Variants in NDRG2 observed in about 807,000 individuals in gnomAD.
The protein encoded by NDRG2 is NDRG family member 2.
A neutral mutation model predicts 58.2 loss-of-function variants in NDRG2; 34 were observed. The observed-to-expected ratio is 0.58, with a 90% CI of 0.44 to 0.78. NDRG2 has a LOEUF of 0.78. Ranked by LOEUF, NDRG2 falls within the 30% of genes least tolerant of loss-of-function variation. NDRG2 has a pLI of 0.00. For synonymous variants in NDRG2, 187 were observed against 175.9 expected, an observed-to-expected ratio of 1.06 and a Z score of -0.50; for missense variants, 434 against 471.2, an observed-to-expected ratio of 0.92 and a Z score of 0.73.
upstream of NDRG2, chr14:21,030,424 AG>A: frequency 1.4e-6 from 1 of 719,176 alleles, no homozygotes. Flanking sequence ...GGGAGCTGGG[AG>A]GGAGAAAGGA....
chr14:21,031,822 G>A, intron 1 of NDRG2: 10 of 1,521,104 alleles, frequency 6.6e-6, no homozygotes, highest in Non-Finnish European at 8.9e-6. Context: ...AGTATCTCGG[G>A]CCATCTTTGG....
rs536881792 is a variant in NDRG2 at position 21,061,304 on chromosome 14, G to T, written c.24+9524C>A. Reference sequence around the variant, plus strand: ...GAGTTGTGGCCCCGGAAGCTGGGAAGAGTGTGAAAAGCATTCAGAGTAGAA... The same window carrying T: ...GAGTTGTGGCCCCGGAAGCTGGGAATAGTGTGAAAAGCATTCAGAGTAGAA... On this transcript the variant is annotated intron_variant, in intron 1 of 14. Coordinates refer to the NDRG2 transcript ENST00000403829. 3.3e-5 allele frequency among the ~76,000 whole-genome samples: 5 copies of T among 152,350 alleles called. No homozygotes were observed. In the South Asian group the frequency reaches 1.0e-3, roughly 32 times the overall value.
chr14:21,022,028 C>T, intron 5 of NDRG2, 34 bp downstream of exon 5: 1 of 1,614,116 alleles, frequency 6.2e-7, no homozygotes, highest in Non-Finnish European at 8.5e-7. Context: ...CTGTTCCTCA[C>T]AGTCTGGTGA....
intron 1 of NDRG2, among the ~76,000 whole-genome samples, chr14:21,051,771 C>G (rs2139137000): frequency 6.6e-6 from 1 of 152,348 alleles, no homozygotes; most frequent in African/African-American, 2.4e-5. Flanking sequence ...GCCCAGACCA[C>G]AGGTCTGTCA....
intron 1 of NDRG2, chr14:21,023,778 C>T (rs1311236758): frequency 5.9e-6 from 1 of 170,802 alleles, no homozygotes; most frequent in Non-Finnish European, 1.2e-5. Flanking sequence ...CCATGACCTT[C>T]AATTAAAGCC....
upstream of NDRG2, among the ~76,000 whole-genome samples, chr14:21,028,702 A>G (rs1205836906): frequency 6.6e-6 from 1 of 152,148 alleles, no homozygotes; most frequent in East Asian, 1.9e-4. Context: ...TCTGATGGGG[A>G]GGAGGTAATA....
upstream of NDRG2, chr14:21,025,625 G>A: frequency 5.1e-6 from 5 of 985,500 alleles, no homozygotes; most frequent in Non-Finnish European, 6.0e-6. This position sits in a 1 kb window ranked among gnomAD's most constrained non-coding sequence, Gnocchi z 5.1. Flanking sequence ...GGGCACGGGG[G>A]AACGTCGAGG....
At chr14:21,031,518 C>T (rs1047186178) in intron 1 of NDRG2, among the ~76,000 whole-genome samples, 1 of 152,214 alleles carries the variant, frequency 6.6e-6, no homozygotes, top group Non-Finnish European at 1.5e-5. Flanking sequence ...CCTCCTGCCT[C>T]TCACCTACTC....
intron 1 of NDRG2, among the ~76,000 whole-genome samples, chr14:21,048,086 T>C (rs558516479): frequency 1.1e-4 from 16 of 152,044 alleles, no homozygotes; most frequent in Non-Finnish European, 2.1e-4. Flanking sequence ...GGCCTTCTCT[T>C]CTCCTTGGGA....
At position 21,032,188 on chromosome 14, in the gene NDRG2, A is replaced by T. The variant is rs1035915311; in HGVS notation, c.25-8867T>A. 4 of 1,147,556 alleles carry T rather than the reference A, an allele frequency of 3.5e-6. No individual in the cohort carries two copies. In the African/African-American group the frequency reaches 6.1e-5, roughly 18 times the overall value. 71.1% of individuals were successfully genotyped at this position (1,147,556 alleles called of 1,614,324 possible). The stretch of plus-strand genomic sequence containing the variant: ...GCAGCAGCCAAAATCTCTGTCTGTG[A>T]GGGACAGATGAGCCTACTAGTGTAG... On this transcript the variant is annotated intron_variant, in intron 1 of 14. Transcript: ENST00000403829.
chr14:21,063,549 G>A (rs79075811), intron 1 of NDRG2, among the ~76,000 whole-genome samples: 2,600 of 152,220 alleles, frequency 0.017, 88 homozygotes, highest in African/African-American at 0.06. Flanking sequence ...AAAAGGAAAT[G>A]TCAAGGAACT....
At chr14:21,028,914 G>C (rs1256111200), upstream of NDRG2, 2 of 152,148 alleles carry the variant, frequency 1.3e-5, no homozygotes, top group African/African-American at 4.8e-5. Flanking sequence ...AAGGAGGAAA[G>C]TCACCAGTCT....
chr14:21,061,703 A>G (rs1227682871), intron 1 of NDRG2, among the ~76,000 whole-genome samples: 1 of 152,254 alleles, frequency 6.6e-6, no homozygotes, highest in Admixed American at 6.5e-5. Context: ...AGAATTAAGT[A>G]TAGAAATGTT....
intron 1 of NDRG2, chr14:21,023,577 A>C: frequency 2.5e-6 from 1 of 404,432 alleles, no homozygotes; most frequent in Non-Finnish European, 4.3e-6. Flanking sequence ...TCAACACCAC[A>C]CCTCCAGACC....
upstream of NDRG2, chr14:21,030,842 G>C: frequency 6.5e-7 from 1 of 1,535,136 alleles, no homozygotes; most frequent in Non-Finnish European, 8.8e-7. Context: ...AACATTTGCA[G>C]TGGGCCTACC....
chr14:21,046,998 T>G (rs1322260912), intron 1 of NDRG2: 2 of 152,308 alleles, frequency 1.3e-5, no homozygotes, highest in African/African-American at 4.8e-5. Context: ...AGATGAAAAT[T>G]TGAATGTAAG....
chr14:21,059,486 T>G (rs200056401), intron 1 of NDRG2, among the ~76,000 whole-genome samples: 4 of 23,110 alleles, frequency 1.7e-4, no homozygotes, highest in South Asian at 1.9e-3. Context: ...TTTTTTTGGG[T>G]TTTTTTTTTC....
intron 1 of NDRG2, among the ~76,000 whole-genome samples, chr14:21,067,276 AG>A (rs1049834881): frequency 1.2e-3 from 98 of 79,428 alleles, no homozygotes; most frequent in African/African-American, 3.6e-3. Context: ...GTCTAGAAAA[AG>A]GTAGGTTTTT....
intron 1 of NDRG2, among the ~76,000 whole-genome samples, chr14:21,065,419 TTG>T (rs929783442): frequency 8.5e-5 from 13 of 152,198 alleles, no homozygotes; most frequent in Non-Finnish European, 4.4e-5. Flanking sequence ...ATGATCTCTT[TTG>T]GGAACTGGTC....
Sources: allele counts gnomAD v4.1 joint callset (sites outside exome capture counted in the v4.1 genomes callset), GRCh38; gene constraint gnomAD v4.1.1; non-coding constraint Gnocchi (gnomAD v3.1); transcripts MANE v1.5; gene names NCBI Gene and HGNC (gene_info 2026-07-23, HGNC 2026-07-21).